The following ATP6V1C1 variants were observed in gnomAD, a reference collection of about 807,000 sequenced individuals.
The protein encoded by ATP6V1C1 is ATPase H+ transporting V1 subunit C1.
In ATP6V1C1, 45 loss-of-function variants were observed where a neutral mutation model predicts 53.9. The ratio of observed to expected loss-of-function variants is 0.83; its 90% CI spans 0.66 to 1.07. The LOEUF (loss-of-function observed/expected upper bound fraction) is 1.07, where lower values mean the gene tolerates loss of function less well. Among genes scored for constraint, ATP6V1C1 ranks in the 50% least tolerant of loss-of-function variants. ATP6V1C1 has a pLI of 0.00. For synonymous variants in ATP6V1C1, 153 were observed against 155.2 expected, an observed-to-expected ratio of 0.99 and a Z score of 0.11; for missense variants, 315 against 440.3, an observed-to-expected ratio of 0.72 and a Z score of 2.55.
At chr8:103,062,121 C>G (rs1817409363) in intron 8 of ATP6V1C1, among the ~76,000 whole-genome samples, 1 of 126,190 alleles carries the variant, frequency 7.9e-6, no homozygotes, top group Admixed American at 8.2e-5. Context: ...CATACAGGCA[C>G]TTTTATTCAG....
chr8:103,042,010 CT>C (rs1817009376), intron 2 of ATP6V1C1, among the ~76,000 whole-genome samples: 2 of 152,196 alleles, frequency 1.3e-5, no homozygotes, highest in Non-Finnish European at 2.9e-5. Flanking sequence ...TACAGACCCT[CT>C]AGCGCACATC....
intron 1 of ATP6V1C1, among the ~76,000 whole-genome samples, chr8:103,022,416 G>C (rs368470933): frequency 2.6e-5 from 4 of 152,100 alleles, no homozygotes; most frequent in African/African-American, 9.7e-5. Context: ...ACTTATTCAT[G>C]CAAATAATGT....
rs1817429143 is a variant in ATP6V1C1, at chr8:103,062,982, C to A, written c.669C>A (p.Tyr223Ter). Residue 223 changes from tyrosine (Y) to a stop codon, truncating the protein, a stop_gained, in exon 9 of 13, where the codon TAC (tyrosine) becomes TAA (stop). Transcript: ENST00000518738. LOFTEE classifies it high-confidence loss of function. Reference sequence around the variant, plus strand: ...TTCTTTCAGAGGACCAAGACAGTTACCTGTGTAATGTCACCTTGTTTAGGA... The same window carrying A: ...TTCTTTCAGAGGACCAAGACAGTTAACTGTGTAATGTCACCTTGTTTAGGA... ...SNVLSEDQDS[Y>*]LCNVTLFRKA... 6.2e-7 allele frequency: 1 copy of A among 1,613,616 alleles called. No individual in the cohort carries two copies. Among genetic ancestry groups the A allele is most frequent in the African/African-American group, 1.3e-5 (1 of 74,966 alleles).
Position 103,047,428 on chromosome 8 carries a change from GCGCACA to G in ATP6V1C1, c.201-1440_201-1435del, listed in dbSNP as rs1159335933. Among the ~76,000 whole-genome samples the G allele has an allele frequency of 1.2e-3, 146 of 117,578 alleles. 5 individuals carry two copies. Among genetic ancestry groups the G allele is most frequent in the Admixed American group, 2.1e-3 (23 of 10,748 alleles). 77.1% of individuals were successfully genotyped at this position (117,578 alleles called of 152,430 possible). On this transcript the variant is annotated intron_variant, in intron 3 of 12. Coordinates refer to ENST00000518738, the MANE Select transcript of ATP6V1C1 (RefSeq NM_001695.5). ...TCTTAAAAAAAAAAAAAAAATGCGC[GCGCACA>G]CACACACACACACACACACACACAC... is the stretch of plus-strand genomic sequence containing the variant.
chr8:103,040,753 C>T (rs1816985275), intron 1 of ATP6V1C1, 45 bp from the exon 2 acceptor site: 12 of 1,497,466 alleles, frequency 8.0e-6, no homozygotes, highest in Non-Finnish European at 1.1e-5. Context: ...ACTTTAGAAA[C>T]AAATGATTTT....
intron 1 of ATP6V1C1, among the ~76,000 whole-genome samples, chr8:103,031,429 C>A (rs539727358): frequency 1.3e-5 from 2 of 152,108 alleles, no homozygotes; most frequent in Non-Finnish European, 1.5e-5. Context: ...CATGAGGCTT[C>A]AGGAAGCTCT....
Position 103,068,949 on chromosome 8 carries a change from A to T in ATP6V1C1, c.*202A>T, listed in dbSNP as rs920232764. The T allele has an allele frequency of 6.3e-6, 2 of 318,128 alleles. No individual in the cohort carries two copies. Among genetic ancestry groups the T allele is most frequent in the Non-Finnish European group, 1.1e-5 (2 of 178,756 alleles). 19.7% of individuals were successfully genotyped at this position (318,128 alleles called of 1,614,324 possible). A position where few individuals can be genotyped will look rare whatever the true frequency, so the allele number is the denominator to read the frequency against. On this transcript the variant is annotated 3_prime_UTR_variant, in exon 13 of 13. Coordinates refer to ENST00000518738, the MANE Select transcript of ATP6V1C1 (RefSeq NM_001695.5). ...ATATATATATAGTTTCTTTTTATTG[A>T]TCAGGTCTGTAAATGTGTACTAAAA...
At chr8:103,031,543 A>G (rs576529742) in intron 1 of ATP6V1C1, among the ~76,000 whole-genome samples, 1 of 152,094 alleles carries the variant, frequency 6.6e-6, no homozygotes, top group Non-Finnish European at 1.5e-5. Context: ...ACTTCTTACT[A>G]TGGGGAGGGC....
chr8:103,026,385 AG>A (rs1343090082), intron 1 of ATP6V1C1, among the ~76,000 whole-genome samples: 1 of 152,238 alleles, frequency 6.6e-6, no homozygotes, highest in Non-Finnish European at 1.5e-5. Flanking sequence ...AGTCTAATAA[AG>A]ATTAAATTGC....
In ATP6V1C1 at chr8:103,070,478, G is replaced by T. The variant is rs987632939; in HGVS notation, c.*1731G>T. ...CTTTGGACAAGAGGAAGCTGTGAAA[G>T]ATTTTGCTATCAGAAAATTTTGGTT... On this transcript the variant is annotated 3_prime_UTR_variant, in exon 13 of 13. Transcript: ENST00000518738. 2 of 152,172 alleles carry T rather than the reference G, an allele frequency of 1.3e-5. No homozygotes were observed. Among genetic ancestry groups the T allele is most frequent in the Admixed American group, 6.5e-5 (1 of 15,280 alleles). The allele number at this position is 152,172 out of a possible 1,614,324, so 9.4% of individuals were successfully genotyped here. A position where few individuals can be genotyped will look rare whatever the true frequency, so the allele number is the denominator to read the frequency against.
At chr8:103,027,874 G>A (rs560672993) in intron 1 of ATP6V1C1, among the ~76,000 whole-genome samples, 9 of 151,980 alleles carry the variant, frequency 5.9e-5, no homozygotes, top group East Asian at 1.9e-4. Flanking sequence ...CTGCCTGCTC[G>A]TAAGACCTGC....
chr8:103,037,157 G>A (rs1325272532), intron 1 of ATP6V1C1, among the ~76,000 whole-genome samples: 1 of 152,114 alleles, frequency 6.6e-6, no homozygotes, highest in African/African-American at 2.4e-5. Context: ...ACAGAGACAG[G>A]ATGACAAGAA....
At chr8:103,041,458 G>T (rs576401199) in intron 2 of ATP6V1C1, among the ~76,000 whole-genome samples, 1 of 152,246 alleles carries the variant, frequency 6.6e-6, no homozygotes, top group South Asian at 2.1e-4. Flanking sequence ...AGTAAAGCAG[G>T]TGTCCAGTAA....
At chr8:103,033,108 A>G (rs1015119838) in intron 1 of ATP6V1C1, among the ~76,000 whole-genome samples, 4 of 152,224 alleles carry the variant, frequency 2.6e-5, no homozygotes, top group African/African-American at 4.8e-5. Flanking sequence ...TCCATTTACA[A>G]GGAAATTCTA....
At chr8:103,052,183 T>C (rs952924653) in intron 5 of ATP6V1C1, among the ~76,000 whole-genome samples, 1 of 152,122 alleles carries the variant, frequency 6.6e-6, no homozygotes, top group African/African-American at 2.4e-5. Context: ...CTAATAATGC[T>C]AGAGCTATGT....
intron 1 of ATP6V1C1, among the ~76,000 whole-genome samples, chr8:103,025,137 C>G (rs1816673685): frequency 6.6e-6 from 1 of 152,054 alleles, no homozygotes; most frequent in Admixed American, 6.6e-5. Flanking sequence ...GATGGATCTT[C>G]TAAGATATTT....
chr8:103,034,627 G>A (rs2015790), intron 1 of ATP6V1C1, among the ~76,000 whole-genome samples: 39,175 of 150,686 alleles, frequency 0.26, 5,886 homozygotes, highest in Admixed American at 0.39. Flanking sequence ...AGGGTGCAGT[G>A]GCTCCATCTT....
intron 12 of ATP6V1C1, among the ~76,000 whole-genome samples, 154 bp downstream of exon 12, chr8:103,066,601 T>A (rs1439577563): frequency 6.6e-6 from 1 of 152,214 alleles, no homozygotes; most frequent in Non-Finnish European, 1.5e-5. Flanking sequence ...ACATAGTAAT[T>A]TACATTGTTT....
intron 3 of ATP6V1C1, among the ~76,000 whole-genome samples, chr8:103,045,350 C>G (rs1296462122): frequency 6.6e-6 from 1 of 152,012 alleles, no homozygotes; most frequent in Non-Finnish European, 1.5e-5. Flanking sequence ...AGGAAGTAAA[C>G]AGATCTAAGG....
Sources: allele counts gnomAD v4.1 joint callset (sites outside exome capture counted in the v4.1 genomes callset), GRCh38; gene constraint gnomAD v4.1.1; transcripts MANE v1.5; gene names NCBI Gene and HGNC (gene_info 2026-07-23, HGNC 2026-07-21).